The following FAM210A variants were observed in gnomAD, a reference collection of about 807,000 sequenced individuals.
The protein encoded by FAM210A is mitochondrial inner membrane scaffold 1.
In FAM210A, 13 loss-of-function variants were observed where a neutral mutation model predicts 25.3. The ratio of observed to expected loss-of-function variants is 0.51; its 90% CI spans 0.33 to 0.82. The LOEUF (loss-of-function observed/expected upper bound fraction) is 0.82, where lower values mean the gene tolerates loss of function less well. Ranked by LOEUF, FAM210A falls within the 40% of genes least tolerant of loss-of-function variation. The pLI is 0.02. For missense variants in FAM210A, 319 were observed against 323.2 expected, an observed-to-expected ratio of 0.99 and a Z score of 0.10; for synonymous variants, 125 against 118.7, an observed-to-expected ratio of 1.05 and a Z score of -0.35.
At chr18:13,691,185 G>T (rs992349678) in intron 1 of FAM210A, among the ~76,000 whole-genome samples, 2 of 152,178 alleles carry the variant, frequency 1.3e-5, no homozygotes, top group African/African-American at 4.8e-5. Flanking sequence ...ATGAAATGAA[G>T]CAAGAAGAGA....
intron 1 of FAM210A, among the ~76,000 whole-genome samples, chr18:13,703,561 C>G (rs1004938637): frequency 8.5e-5 from 13 of 152,170 alleles, no homozygotes; most frequent in African/African-American, 3.1e-4. Flanking sequence ...GCACTAGAAA[C>G]TGCATGTTTC....
intron 1 of FAM210A, among the ~76,000 whole-genome samples, chr18:13,690,371 G>A (rs1230836477): frequency 6.6e-6 from 1 of 152,220 alleles, no homozygotes; most frequent in Non-Finnish European, 1.5e-5. Flanking sequence ...TCTGCAGACT[G>A]AAACATCCCC....
intron 1 of FAM210A, among the ~76,000 whole-genome samples, chr18:13,706,352 T>TGGGG (rs35089359): frequency 1.8e-3 from 272 of 147,386 alleles, no homozygotes; most frequent in African/African-American, 6.3e-3. Context: ...GAAATGAAAA[T>TGGGG]GGGGGGGGGT....
intron 1 of FAM210A, among the ~76,000 whole-genome samples, chr18:13,689,581 T>A (rs1307579272): frequency 1.3e-5 from 2 of 152,164 alleles, no homozygotes; most frequent in Non-Finnish European, 2.9e-5. Context: ...CTCGCCCCCG[T>A]GGCTGGGAAC....
chr18:13,713,836 C>T (rs748670113), intron 1 of FAM210A, among the ~76,000 whole-genome samples: 12 of 152,118 alleles, frequency 7.9e-5, no homozygotes, highest in Admixed American at 7.9e-4. Flanking sequence ...TGACACCTGA[C>T]TCAAGCGATC....
Position 13,681,955 on chromosome 18 carries a change from A to C in FAM210A, c.123T>G (p.Ala41=). ...NVKGPLLLYN[A]ESKVVLVQGP... ...CTTGTACCAAAACCACTTTGGATTC[A>C]GCATTGTATAAAAGTAAAGGTCCCT... The change falls in exon 2 of 4, where the codon GCT becomes GCG. Residue 41 remains alanine, a synonymous_variant. Transcript: ENST00000651643. 6.2e-7 allele frequency: 1 copy of C among 1,614,198 alleles called. No individual in the cohort carries two copies. The highest frequency in any genetic ancestry group is 1.6e-4 in the Middle Eastern group (1 of 6,062).
At chr18:13,691,221 A>C (rs2043641729) in intron 1 of FAM210A, among the ~76,000 whole-genome samples, 1 of 152,202 alleles carries the variant, frequency 6.6e-6, no homozygotes, top group African/African-American at 2.4e-5. Context: ...GAATACAAAG[A>C]CATGAAGAAA....
chr18:13,684,385 T>G (rs2149057977), intron 1 of FAM210A, among the ~76,000 whole-genome samples: 1 of 150,828 alleles, frequency 6.6e-6, no homozygotes, highest in South Asian at 2.1e-4. Flanking sequence ...GGCAACAGAG[T>G]GAGACTCGTC....
chr18:13,721,913 C>T (rs912559027), intron 1 of FAM210A, among the ~76,000 whole-genome samples: 1 of 152,092 alleles, frequency 6.6e-6, no homozygotes, highest in Admixed American at 6.5e-5. Flanking sequence ...AGCCATAGGT[C>T]CCTTTGGGAA....
chr18:13,694,162 T>C (rs970332692), intron 1 of FAM210A, among the ~76,000 whole-genome samples: 3 of 152,152 alleles, frequency 2.0e-5, no homozygotes, highest in Non-Finnish European at 4.4e-5. Flanking sequence ...GGAATCCAAC[T>C]TACAAGGGAT....
intron 1 of FAM210A, among the ~76,000 whole-genome samples, chr18:13,719,936 CAA>C (rs2043886335): frequency 6.6e-6 from 1 of 152,156 alleles, no homozygotes; most frequent in African/African-American, 2.4e-5. Flanking sequence ...AATCAAAACA[CAA>C]AGTTTGGCCA....
Position 13,665,452 on chromosome 18 carries a change from CA to C in FAM210A, c.*1027del, listed in dbSNP as rs1299812574. ...AAGGATATTTCCCTTCAATGTAAGA[CA>C]AAAAGCAGCAGCCACAATTTAAAAC... On this transcript the variant is annotated 3_prime_UTR_variant, in exon 4 of 4. Transcript: ENST00000651643. The C allele has an allele frequency of 7.5e-6, 1 of 134,154 alleles. No individual in the cohort carries two copies. The highest frequency in any genetic ancestry group is 2.7e-5 in the African/African-American group (1 of 36,412). The allele number at this position is 134,154 out of a possible 1,614,324, so 8.3% of individuals were successfully genotyped here.
chr18:13,670,307 A>ATCT (rs1187171915), intron 3 of FAM210A, among the ~76,000 whole-genome samples: 1 of 152,224 alleles, frequency 6.6e-6, no homozygotes, highest in East Asian at 1.9e-4. Flanking sequence ...ACTCGGGTTA[A>ATCT]AATTATACCC....
At chr18:13,715,736 T>C (rs1404160311) in intron 1 of FAM210A, among the ~76,000 whole-genome samples, 1 of 152,214 alleles carries the variant, frequency 6.6e-6, no homozygotes, top group Non-Finnish European at 1.5e-5. Context: ...TAAAAACAGC[T>C]CTGATATTTT....
chr18:13,690,066 C>A (rs1468933009), intron 1 of FAM210A, among the ~76,000 whole-genome samples: 2 of 152,214 alleles, frequency 1.3e-5, no homozygotes, highest in South Asian at 2.1e-4. Flanking sequence ...CCTAATACTG[C>A]GCTTTTCCAA....
chr18:13,702,745 C>T (rs966762406), intron 1 of FAM210A, among the ~76,000 whole-genome samples: 1 of 152,172 alleles, frequency 6.6e-6, no homozygotes, highest in African/African-American at 2.4e-5. Context: ...GATCCGGGTC[C>T]AATACCTGGC....
intron 1 of FAM210A, among the ~76,000 whole-genome samples, chr18:13,725,988 G>A (rs1299791137): frequency 6.6e-6 from 1 of 152,182 alleles, no homozygotes; most frequent in Non-Finnish European, 1.5e-5. Flanking sequence ...TTCCGAACGC[G>A]GGCGCTTCCG....
intron 3 of FAM210A, among the ~76,000 whole-genome samples, chr18:13,668,962 C>T (rs563939064): frequency 1.9e-4 from 29 of 152,296 alleles, no homozygotes; most frequent in African/African-American, 6.7e-4. Context: ...TGTCCTACTT[C>T]AAACCTGCTT....
chr18:13,707,087 C>T (rs2043783994), intron 1 of FAM210A, among the ~76,000 whole-genome samples: 1 of 152,140 alleles, frequency 6.6e-6, no homozygotes. Context: ...GGTCTCTCTT[C>T]AACTGGAATG....
Sources: gnomAD v4.1 joint callset for allele counts (sites outside exome capture counted in the v4.1 genomes callset) on GRCh38, gnomAD v4.1.1 for gene constraint, MANE v1.5 for transcripts, NCBI Gene and HGNC (gene_info 2026-07-23, HGNC 2026-07-21) for gene names.